The following KCTD8 variants were observed in gnomAD, a reference collection of about 807,000 sequenced individuals.
The protein encoded by KCTD8 is BTB/POZ domain-containing protein KCTD8.
In KCTD8, 27 loss-of-function variants were observed where a neutral mutation model predicts 31.5. The ratio of observed to expected loss-of-function variants is 0.86; its 90% CI spans 0.63 to 1.18. The LOEUF (loss-of-function observed/expected upper bound fraction) is 1.18. Among genes scored for constraint, KCTD8 ranks in the 50% most tolerant of loss-of-function variants. KCTD8 has a pLI of 0.00. For synonymous variants in KCTD8, 290 were observed against 280.0 expected, an observed-to-expected ratio of 1.04 and a Z score of -0.36; for missense variants, 658 against 647.7, an observed-to-expected ratio of 1.02 and a Z score of -0.17.
intron 1 of KCTD8, among the ~76,000 whole-genome samples, chr4:44,231,469 T>A (rs541218138): frequency 1.3e-5 from 2 of 152,334 alleles, no homozygotes; most frequent in East Asian, 1.9e-4. Flanking sequence ...TCATATTCAA[T>A]CTTGGTTTTT....
At chr4:44,184,795 C>T (rs1395051092) in intron 1 of KCTD8, among the ~76,000 whole-genome samples, 1 of 152,170 alleles carries the variant, frequency 6.6e-6, no homozygotes, top group Non-Finnish European at 1.5e-5. Context: ...TTGATGTCCA[C>T]AGAGTAGTAA....
intron 1 of KCTD8, among the ~76,000 whole-genome samples, chr4:44,382,628 G>A (rs1720099329): frequency 6.6e-6 from 1 of 151,854 alleles, no homozygotes; most frequent in African/African-American, 2.4e-5. Context: ...TACTCAGAAG[G>A]CTGAGGCAGA....
Position 44,413,591 on chromosome 4 carries a change from T to G in KCTD8, c.961+33972A>C, listed in dbSNP as rs184633157. Among the ~76,000 whole-genome samples the G allele has an allele frequency of 5.3e-5, 8 of 151,950 alleles. No individual in the cohort carries two copies. The East Asian group carries it at 1.4e-3, about 26-fold the overall frequency. On this transcript the variant is annotated intron_variant, in intron 1 of 1. Transcript: ENST00000360029. ...ACCAGATTTTTCCTAAATCAATGCT[T>G]AAAGGGTAGTTTGGAAATCCAATTG...
At position 44,419,706 on chromosome 4, in the gene KCTD8, TG is replaced by T. The variant is rs1013663115; in HGVS notation, c.961+27856del. On this transcript the variant is annotated intron_variant, in intron 1 of 1. Transcript: ENST00000360029. The stretch of plus-strand genomic sequence containing the variant: ...TCACATACCGGGGCCTGTCGGGGGA[TG>T]GGGGGCTGGGGAAGGGATAGCATTA... Among the ~76,000 whole-genome samples the T allele has an allele frequency of 7.5e-4, 113 of 149,712 alleles. No individual in the cohort carries two copies. The Middle Eastern group carries it at 0.01, about 14-fold the overall frequency.
chr4:44,311,065 T>G (rs1717937109), intron 1 of KCTD8, among the ~76,000 whole-genome samples: 1 of 152,006 alleles, frequency 6.6e-6, no homozygotes, highest in Non-Finnish European at 1.5e-5. Context: ...GGCAAACAGT[T>G]TTCTAAGATC....
chr4:44,213,951 G>A (rs1714568026), intron 1 of KCTD8, among the ~76,000 whole-genome samples: 2 of 152,106 alleles, frequency 1.3e-5, no homozygotes, highest in Admixed American at 1.3e-4. Flanking sequence ...CATTAGTAGA[G>A]GTACCTATAC....
chr4:44,293,332 A>G, intron 1 of KCTD8: 1 of 394,948 alleles, frequency 2.5e-6, no homozygotes, highest in Non-Finnish European at 5.0e-6. Flanking sequence ...TTCAAAAGGA[A>G]ATGTTCAACT....
At chr4:44,214,232 A>T (rs1174006249) in intron 1 of KCTD8, among the ~76,000 whole-genome samples, 1 of 152,108 alleles carries the variant, frequency 6.6e-6, no homozygotes. Context: ...TTTTCCAGTT[A>T]ATCTGTTTTA....
intron 1 of KCTD8, among the ~76,000 whole-genome samples, chr4:44,296,473 T>C (rs1288716198): frequency 6.6e-6 from 1 of 152,144 alleles, no homozygotes; most frequent in Non-Finnish European, 1.5e-5. Flanking sequence ...CCAACAATAA[T>C]TTATAATGTT....
chr4:44,431,994 G>A (rs1003042460), intron 1 of KCTD8, among the ~76,000 whole-genome samples: 2 of 151,446 alleles, frequency 1.3e-5, no homozygotes, highest in African/African-American at 2.4e-5. Context: ...ACAAAGCTCT[G>A]CTTTTACGTG....
In KCTD8 at chr4:44,204,982, A is replaced by G. The variant is rs757775146; in HGVS notation, c.962-29732T>C. On this transcript the variant is annotated intron_variant, in intron 1 of 1. Coordinates refer to ENST00000360029, the MANE Select transcript of KCTD8 (RefSeq NM_198353.3). ...CAGTGTAACAACAAAATTTCAAAGA[A>G]AAGCATAAACCTTTGAGTCTAGTGG... is the stretch of plus-strand genomic sequence containing the variant. Among the ~76,000 whole-genome samples, 5 of 152,248 alleles carry G rather than the reference A, an allele frequency of 3.3e-5. No individual in the cohort carries two copies. In the East Asian group the frequency reaches 5.8e-4, roughly 18 times the overall value.
chr4:44,399,909 CA>C (rs981285537), intron 1 of KCTD8, among the ~76,000 whole-genome samples: 14 of 152,044 alleles, frequency 9.2e-5, no homozygotes, highest in Non-Finnish European at 1.5e-4. Flanking sequence ...CTAGATAAGC[CA>C]AATCTATCAC....
At chr4:44,314,088 T>C (rs1293219897) in intron 1 of KCTD8, among the ~76,000 whole-genome samples, 3 of 152,124 alleles carry the variant, frequency 2.0e-5, no homozygotes, top group Admixed American at 6.6e-5. Flanking sequence ...GAAGGTCAAA[T>C]AGAAAGGATT....
chr4:44,354,539 T>C (rs1719295040), intron 1 of KCTD8, among the ~76,000 whole-genome samples: 1 of 152,180 alleles, frequency 6.6e-6, no homozygotes, highest in African/African-American at 2.4e-5. Context: ...CTAAAGGAGA[T>C]GCAACCTCCT....
Position 44,447,553 on chromosome 4 carries a change from G to C in KCTD8, c.961+10C>G. ...AGGGGTGCTGGGAAACGCCGGGGCT[G>C]CGAACTTACGGAAGAAAATGTACTC... is the stretch of plus-strand genomic sequence containing the variant. On this transcript the variant is annotated intron_variant, in intron 1 of 1. Transcript: ENST00000360029. 1 of 1,538,798 alleles carries C rather than the reference G, an allele frequency of 6.5e-7. No individual in the cohort carries two copies. The highest frequency in any genetic ancestry group is 8.8e-7 in the Non-Finnish European group (1 of 1,137,154).
At chr4:44,403,225 G>T (rs1671292894) in intron 1 of KCTD8, among the ~76,000 whole-genome samples, 2 of 151,924 alleles carry the variant, frequency 1.3e-5, no homozygotes, top group South Asian at 4.2e-4. Context: ...TACTCTGCTG[G>T]TCACAAACCT....
intron 1 of KCTD8, among the ~76,000 whole-genome samples, chr4:44,199,882 C>G (rs1714079732): frequency 6.6e-6 from 1 of 151,484 alleles, no homozygotes; most frequent in African/African-American, 2.4e-5. Flanking sequence ...ATCAAAGGAA[C>G]AGACAAGACT....
In KCTD8 at chr4:44,301,024, T is replaced by C. The variant is rs533152631; in HGVS notation, c.962-125774A>G. On this transcript the variant is annotated intron_variant, in intron 1 of 1. Transcript: ENST00000360029. ...GAATGATGATTTCCAATTTCATCCA[T>C]GTCCCTACAAAGGACATGAACTCAT... Among the ~76,000 whole-genome samples, 22 of 151,968 alleles carry C rather than the reference T, an allele frequency of 1.4e-4. No homozygotes were observed. In the East Asian group the frequency reaches 3.9e-3, roughly 27 times the overall value.
chr4:44,265,150 G>A (rs1716305829), intron 1 of KCTD8, among the ~76,000 whole-genome samples: 1 of 152,038 alleles, frequency 6.6e-6, no homozygotes, highest in Non-Finnish European at 1.5e-5. Context: ...CCCCAGTAGG[G>A]GCAGACTGAC....
Sources: gnomAD v4.1 joint callset for allele counts (sites outside exome capture counted in the v4.1 genomes callset) on GRCh38, gnomAD v4.1.1 for gene constraint, MANE v1.5 for transcripts, NCBI Gene and HGNC (gene_info 2026-07-23, HGNC 2026-07-21) for gene names.